MAP2K4: variants seen among roughly 807,000 people sequenced by gnomAD.
MAP2K4 encodes the protein dual specificity mitogen-activated protein kinase kinase 4.
In MAP2K4, 4 loss-of-function variants were observed where a neutral mutation model predicts 48.5. The ratio of observed to expected loss-of-function variants is 0.08; its 90% CI spans 0.04 to 0.19. The LOEUF is 0.19. Ranked by LOEUF, MAP2K4 falls within the 10% of genes least tolerant of loss-of-function variation. MAP2K4 has a pLI of 1.00. For synonymous variants in MAP2K4, 166 were observed against 173.1 expected, an observed-to-expected ratio of 0.96 and a Z score of 0.32; for missense variants, 258 against 493.3, an observed-to-expected ratio of 0.52 and a Z score of 4.52.
intron 1 of MAP2K4, among the ~76,000 whole-genome samples, chr17:12,030,399 C>T (rs970374924): frequency 2.0e-5 from 3 of 152,106 alleles, no homozygotes; most frequent in Non-Finnish European, 4.4e-5. Context: ...CACCTGGTCA[C>T]TTCATAATTA....
At chr17:12,065,858 A>G (rs1038738625) in intron 2 of MAP2K4, among the ~76,000 whole-genome samples, 1 of 152,230 alleles carries the variant, frequency 6.6e-6, no homozygotes, top group African/African-American at 2.4e-5. Flanking sequence ...GAATATATGA[A>G]CACTGTGCTT....
chr17:12,126,150 A>G (rs1442077625), intron 8 of MAP2K4, among the ~76,000 whole-genome samples: 1 of 152,232 alleles, frequency 6.6e-6, no homozygotes. Flanking sequence ...CATAGGGATT[A>G]TAATTCGAAA....
chr17:12,051,653 C>G (rs1970142025), intron 1 of MAP2K4, among the ~76,000 whole-genome samples: 1 of 152,148 alleles, frequency 6.6e-6, no homozygotes, highest in Admixed American at 6.5e-5. Flanking sequence ...TTGTTAGCAT[C>G]TAAAAATCTT....
chr17:12,137,577 C>T (rs766718307), intron 9 of MAP2K4, among the ~76,000 whole-genome samples: 4 of 152,042 alleles, frequency 2.6e-5, no homozygotes, highest in Non-Finnish European at 5.9e-5. Flanking sequence ...CCCAGCATGG[C>T]ACAGATTATA....
rs1240153309 is a variant in MAP2K4 at position 12,141,230 on chromosome 17, T to C, written c.1170T>C (p.Ala390=). The C allele has an allele frequency of 1.9e-6, 3 of 1,613,764 alleles. No individual in the cohort carries two copies. The Admixed American group carries it at 5.0e-5, about 27-fold the overall frequency. Residue 390 remains alanine (A), a synonymous_variant, in exon 11 of 11, where the codon GCT becomes GCC. Coordinates refer to ENST00000353533, the MANE Select transcript of MAP2K4 (RefSeq NM_003010.4). The stretch of plus-strand genomic sequence containing the variant: ...GTAAAATCCTGGATCAAATGCCAGC[T>C]ACTCCCAGCTCTCCCATGTATGTCG... ...YVCKILDQMP[A]TPSSPMYVD
In MAP2K4 at chr17:12,020,994, C is replaced by T; in HGVS notation, c.108C>T (p.Ser36=). 1 of 1,210,814 alleles carries T rather than the reference C, an allele frequency of 8.3e-7. No individual in the cohort carries two copies. The highest frequency in any genetic ancestry group is 4.1e-5 in the South Asian group (1 of 24,170). 75.0% of individuals were successfully genotyped at this position (1,210,814 alleles called of 1,614,324 possible). ...CGCCAGGCCACCCGGCCGTCAGCAG[C>T]ATGCAGGGTAAGGAACGCGGCCGCG... is the stretch of plus-strand genomic sequence containing the variant. ...SPAPGHPAVS[S]MQGKRKALKL... The change falls in exon 1 of 11, where the codon AGC becomes AGT. Residue 36 remains serine (S), a synonymous_variant. Coordinates refer to ENST00000353533, the MANE Select transcript of MAP2K4 (RefSeq NM_003010.4).
At chr17:12,076,136 T>A (rs943681504) in intron 2 of MAP2K4, among the ~76,000 whole-genome samples, 2 of 152,182 alleles carry the variant, frequency 1.3e-5, no homozygotes, top group African/African-American at 4.8e-5. Context: ...ATAACCCTAC[T>A]TGACTGGCCA....
chr17:12,084,166 G>A (rs759996970), intron 3 of MAP2K4, among the ~76,000 whole-genome samples: 1 of 152,154 alleles, frequency 6.6e-6, no homozygotes, highest in Non-Finnish European at 1.5e-5. Flanking sequence ...ATTTGAAAAA[G>A]GTGACTTCTT....
chr17:12,044,832 A>G (rs1347144755), intron 1 of MAP2K4, among the ~76,000 whole-genome samples: 2 of 152,212 alleles, frequency 1.3e-5, no homozygotes, highest in African/African-American at 4.8e-5. Flanking sequence ...TGGGTTTCCC[A>G]CAACCCTCCT....
rs28918103 is a variant in MAP2K4, at chr17:12,051,518, T to G, written c.116-3371T>G. ...TCCTGCTATAGTTAAAGGGACAATGTTTATCTGTGTTGACTGGTTAGAAAT... is the reference window on the plus strand; with the variant it reads ...TCCTGCTATAGTTAAAGGGACAATGGTTATCTGTGTTGACTGGTTAGAAAT... On this transcript the variant is annotated intron_variant, in intron 1 of 10. Coordinates refer to ENST00000353533, the MANE Select transcript of MAP2K4 (RefSeq NM_003010.4). Among the ~76,000 whole-genome samples the G allele has an allele frequency of 7.3e-3, 1,109 of 152,348 alleles. 16 individuals are homozygous for G. Among genetic ancestry groups the G allele is most frequent in the African/African-American group, 0.026 (1,071 of 41,562 alleles).
At chr17:12,106,047 G>A (rs1454504521) in intron 4 of MAP2K4, among the ~76,000 whole-genome samples, 1 of 152,068 alleles carries the variant, frequency 6.6e-6, no homozygotes, top group African/African-American at 2.4e-5. Context: ...ATGCGAGGAG[G>A]CCCAAGCTTA....
chr17:12,073,404 G>A (rs1046210101), intron 2 of MAP2K4, among the ~76,000 whole-genome samples: 2 of 152,140 alleles, frequency 1.3e-5, no homozygotes, highest in Admixed American at 1.3e-4. Context: ...TTATATTGCT[G>A]TTATCAGTCC....
Position 12,090,398 on chromosome 17 carries a change from T to A in MAP2K4, c.394-5177T>A, listed in dbSNP as rs1222884163. Among the ~76,000 whole-genome samples, 3 of 152,060 alleles carry A rather than the reference T, an allele frequency of 2.0e-5. No homozygotes were observed. The East Asian group carries it at 5.8e-4, about 29-fold the overall frequency. On this transcript the variant is annotated intron_variant, in intron 3 of 10. Transcript: ENST00000353533. Reference sequence around the variant, plus strand: ...GCACCCTAACATGGAGATGTAAGGGTTAACTCTGAATCAGGGTGACTGGCA... The same window carrying A: ...GCACCCTAACATGGAGATGTAAGGGATAACTCTGAATCAGGGTGACTGGCA...
chr17:12,066,737 G>A (rs1393969884), intron 2 of MAP2K4, among the ~76,000 whole-genome samples: 1 of 151,972 alleles, frequency 6.6e-6, no homozygotes, highest in Admixed American at 6.6e-5. Flanking sequence ...TCGCCCAGGC[G>A]GGAGTGCTGT....
chr17:12,065,219 T>A (rs1057319640), intron 2 of MAP2K4, among the ~76,000 whole-genome samples: 3 of 150,768 alleles, frequency 2.0e-5, no homozygotes, highest in African/African-American at 7.3e-5. Flanking sequence ...GCCTCAATTT[T>A]AAAAGCAATC....
intron 9 of MAP2K4, among the ~76,000 whole-genome samples, chr17:12,133,315 C>T (rs1015682374): frequency 1.3e-5 from 2 of 152,196 alleles, no homozygotes; most frequent in African/African-American, 2.4e-5. Context: ...CTGCTGACCT[C>T]AAGTAATCCG....
At chr17:12,113,606 T>G (rs1972380711) in intron 7 of MAP2K4, among the ~76,000 whole-genome samples, 1 of 152,222 alleles carries the variant, frequency 6.6e-6, no homozygotes, top group African/African-American at 2.4e-5. Flanking sequence ...CTTCTCTGAT[T>G]ATTGTTTTTT....
intron 2 of MAP2K4, among the ~76,000 whole-genome samples, chr17:12,068,212 A>C (rs1970676492): frequency 6.6e-6 from 1 of 152,204 alleles, no homozygotes. Flanking sequence ...GTATGGAGAG[A>C]TGGGCCACAT....
At chr17:12,117,542 C>T (rs915100878) in intron 7 of MAP2K4, among the ~76,000 whole-genome samples, 1 of 152,132 alleles carries the variant, frequency 6.6e-6, no homozygotes, top group Admixed American at 6.5e-5. Flanking sequence ...GTGCTAATGA[C>T]AGGTTCCACA....
Sources: allele counts gnomAD v4.1 joint callset (sites outside exome capture counted in the v4.1 genomes callset), GRCh38; gene constraint gnomAD v4.1.1; transcripts MANE v1.5; gene names NCBI Gene and HGNC (gene_info 2026-07-23, HGNC 2026-07-21).